The following SAMTOR variants were observed in gnomAD, a reference collection of about 807,000 sequenced individuals.
SAMTOR encodes the protein UPF0532 protein C7orf60.
chr7:112,834,375 C>T, the SAMTOR span, among the ~76,000 whole-genome samples: 1 of 151,444 alleles, frequency 6.6e-6, no homozygotes, highest in Non-Finnish European at 1.5e-5. Flanking sequence ...CCCATGGATA[C>T]ACTTTACTTT....
At chr7:112,822,729 CA>C in the SAMTOR span, among the ~76,000 whole-genome samples, 1 of 151,620 alleles carries the variant, frequency 6.6e-6, no homozygotes, top group Non-Finnish European at 1.5e-5. Context: ...TTACAGTTAC[CA>C]AAAACAAACT....
the SAMTOR span, among the ~76,000 whole-genome samples, chr7:112,847,692 T>C: frequency 3.7e-4 from 57 of 152,058 alleles, no homozygotes; most frequent in Non-Finnish European, 6.5e-4. Flanking sequence ...GCGGGAGAAT[T>C]GCTTGAACGC....
the SAMTOR span, among the ~76,000 whole-genome samples, chr7:112,855,295 C>T: frequency 6.6e-6 from 1 of 152,152 alleles, no homozygotes; most frequent in African/African-American, 2.4e-5. Context: ...TTGAAAACAA[C>T]CCTAGGTATT....
At chr7:112,896,193 GCA>G in the SAMTOR span, among the ~76,000 whole-genome samples, 60 of 151,902 alleles carry the variant, frequency 3.9e-4, no homozygotes, top group East Asian at 8.8e-3. Flanking sequence ...GAGTGTGCGT[GCA>G]CGCGCGCACG....
chr7:112,931,813 T>G, the SAMTOR span, among the ~76,000 whole-genome samples: 1 of 152,186 alleles, frequency 6.6e-6, no homozygotes, highest in African/African-American at 2.4e-5. Flanking sequence ...GGTTGTCAGA[T>G]GTTAGATTTT....
the SAMTOR span, among the ~76,000 whole-genome samples, chr7:112,839,706 A>C: frequency 2.0e-5 from 3 of 151,904 alleles, no homozygotes; most frequent in Non-Finnish European, 4.4e-5. Flanking sequence ...ACCATCAAAA[A>C]TAAATCTCCC....
chr7:112,897,513 GTTC>G, the SAMTOR span, among the ~76,000 whole-genome samples: 4 of 152,018 alleles, frequency 2.6e-5, no homozygotes, highest in Non-Finnish European at 5.9e-5. Context: ...AAAATTCTAG[GTTC>G]TCATAGAATA....
At chr7:112,892,642 C>T in the SAMTOR span, among the ~76,000 whole-genome samples, 1 of 151,898 alleles carries the variant, frequency 6.6e-6, no homozygotes, top group Non-Finnish European at 1.5e-5. Context: ...CATGGTGGTG[C>T]ATGCTTGTGG....
At chr7:112,932,349 A>G in the SAMTOR span, among the ~76,000 whole-genome samples, 7 of 152,222 alleles carry the variant, frequency 4.6e-5, no homozygotes, top group African/African-American at 1.7e-4. Context: ...ATATTTATAG[A>G]AAAATAGAAT....
chr7:112,900,420 G>A, the SAMTOR span, among the ~76,000 whole-genome samples: 1 of 152,212 alleles, frequency 6.6e-6, no homozygotes, highest in East Asian at 1.9e-4. Flanking sequence ...ACCCACAATA[G>A]AGAGGGCAAT....
chr7:112,917,998 A>C, the SAMTOR span, among the ~76,000 whole-genome samples: 6 of 152,216 alleles, frequency 3.9e-5, no homozygotes, highest in Non-Finnish European at 8.8e-5. Context: ...TGATGGGGAG[A>C]ATGGAACCAA....
chr7:112,836,312 T>C, the SAMTOR span, among the ~76,000 whole-genome samples: 108 of 152,278 alleles, frequency 7.1e-4, no homozygotes, highest in African/African-American at 2.5e-3. Context: ...TCATGTCCTT[T>C]GCCTACTTTT....
chr7:112,899,774 T>G, the SAMTOR span, among the ~76,000 whole-genome samples: 2 of 126,818 alleles, frequency 1.6e-5, no homozygotes, highest in African/African-American at 7.1e-5. Context: ...AGATGACATA[T>G]TCAATGTGCT....
At chr7:112,851,309 C>T in the SAMTOR span, among the ~76,000 whole-genome samples, 1 of 152,170 alleles carries the variant, frequency 6.6e-6, no homozygotes, top group Non-Finnish European at 1.5e-5. Flanking sequence ...CACCACAAGG[C>T]TATAATAACA....
At chr7:112,927,640 C>T in the SAMTOR span, among the ~76,000 whole-genome samples, 22 of 151,716 alleles carry the variant, frequency 1.5e-4, no homozygotes, top group Admixed American at 7.9e-4. Context: ...GAAAGGGAGG[C>T]GTGGAGAACA....
chr7:112,918,940 T>A, the SAMTOR span, among the ~76,000 whole-genome samples: 2 of 152,136 alleles, frequency 1.3e-5, no homozygotes, highest in East Asian at 1.9e-4. Flanking sequence ...GCACCCAGAT[T>A]CATAAAGCAA....
chr7:112,864,514 G>A, the SAMTOR span, among the ~76,000 whole-genome samples: 2 of 152,078 alleles, frequency 1.3e-5, no homozygotes. Context: ...AAGATCTTTG[G>A]GGGGTAGGCT....
chr7:112,915,971 G>C, the SAMTOR span, among the ~76,000 whole-genome samples: 10 of 152,130 alleles, frequency 6.6e-5, no homozygotes, highest in Non-Finnish European at 1.3e-4. Context: ...TTAAAAAGGG[G>C]TTGGTAGGTA....
the SAMTOR span, among the ~76,000 whole-genome samples, chr7:112,881,075 G>T: frequency 6.6e-6 from 1 of 152,166 alleles, no homozygotes; most frequent in African/African-American, 2.4e-5. Context: ...CCACTGCCCC[G>T]CAGGCTCAGA....
Sources: allele counts gnomAD v4.1 joint callset (sites outside exome capture counted in the v4.1 genomes callset), GRCh38; gene constraint gnomAD v4.1.1; transcripts MANE v1.5; gene names NCBI Gene and HGNC (gene_info 2026-07-23, HGNC 2026-07-21).